Variants in FRMD3 observed in about 807,000 individuals in gnomAD.
The protein encoded by FRMD3 is FERM domain-containing protein 3.
In FRMD3, 33 loss-of-function variants were observed where a neutral mutation model predicts 70.2. The ratio of observed to expected loss-of-function variants is 0.47; its 90% confidence interval spans 0.36 to 0.63. FRMD3 has a LOEUF of 0.63. Ranked by LOEUF, FRMD3 falls within the 20% of genes least tolerant of loss-of-function variation. The probability of loss-of-function intolerance (pLI) is 0.00; values close to 1 mark genes in which losing one functional copy is unlikely to be tolerated. For synonymous variants in FRMD3, 279 were observed against 255.9 expected (o/e 1.09, Z -0.86); for missense variants, 632 against 711.4 (o/e 0.89, Z 1.27).
chr9:83,571,957 G>A, the FRMD3 span, among the ~76,000 whole-genome samples: 3 of 152,128 alleles, frequency 2.0e-5, no homozygotes, highest in African/African-American at 7.2e-5. Context: ...CAGATTGCTG[G>A]GCCCACACCC....
the FRMD3 span, among the ~76,000 whole-genome samples, chr9:83,558,289 C>T: frequency 7.4e-4 from 113 of 152,016 alleles, no homozygotes; most frequent in Admixed American, 5.6e-3. Flanking sequence ...CGCGCGCGCA[C>T]GCACATGTGC....
chr9:83,406,483 G>T (rs1393083004), intron 1 of FRMD3, among the ~76,000 whole-genome samples: 1 of 152,156 alleles, frequency 6.6e-6, no homozygotes, highest in African/African-American at 2.4e-5. Context: ...TTCCAGCTAG[G>T]GCTCTTAGGA....
chr9:83,333,117 GT>G (rs1413318585), intron 6 of FRMD3, among the ~76,000 whole-genome samples: 1 of 152,170 alleles, frequency 6.6e-6, no homozygotes, highest in East Asian at 1.9e-4. Flanking sequence ...TGCTCTTCTT[GT>G]CTTACCCTCC....
At chr9:83,561,819 T>A in the FRMD3 span, among the ~76,000 whole-genome samples, 1 of 151,730 alleles carries the variant, frequency 6.6e-6, no homozygotes, top group Non-Finnish European at 1.5e-5. Context: ...AAGAACAGAG[T>A]CTGCCACAAG....
At chr9:83,573,738 T>TTCTCTCTCTCTCTCTC in the FRMD3 span, among the ~76,000 whole-genome samples, 2 of 146,158 alleles carry the variant, frequency 1.4e-5, no homozygotes, top group African/African-American at 5.1e-5. Context: ...AAAAGAACGA[T>TTCTCTCTCTCTCTCTC]TCTCTCTCTC....
chr9:83,493,403 T>C (rs1293473840), intron 1 of FRMD3, among the ~76,000 whole-genome samples: 2 of 152,144 alleles, frequency 1.3e-5, no homozygotes, highest in African/African-American at 4.8e-5. Flanking sequence ...TACAGAGAAA[T>C]AGGTGATCTG....
At chr9:83,481,287 G>A (rs1208050562) in intron 1 of FRMD3, among the ~76,000 whole-genome samples, 10 of 152,220 alleles carry the variant, frequency 6.6e-5, no homozygotes, top group Admixed American at 6.5e-4. Flanking sequence ...ATGCAAGTGT[G>A]TCGTGAACTA....
At chr9:83,498,010 T>C (rs922753185) in intron 1 of FRMD3, among the ~76,000 whole-genome samples, 1 of 151,984 alleles carries the variant, frequency 6.6e-6, no homozygotes, top group African/African-American at 2.4e-5. Context: ...TAGCCAGGCA[T>C]GGTGGTGGGC....
At chr9:83,328,985 C>A (rs1286311742) in intron 6 of FRMD3, among the ~76,000 whole-genome samples, 1 of 151,916 alleles carries the variant, frequency 6.6e-6, no homozygotes, top group Non-Finnish European at 1.5e-5. Flanking sequence ...AATAATATAA[C>A]CCTCTCTCCT....
chr9:83,364,286 C>T (rs574905099), intron 3 of FRMD3, among the ~76,000 whole-genome samples: 5 of 152,202 alleles, frequency 3.3e-5, no homozygotes, highest in African/African-American at 4.8e-5. Flanking sequence ...TGGCTGGGCA[C>T]GGTGGCTCAC....
At position 83,298,711 on chromosome 9, in the gene FRMD3, T is replaced by C. The variant is rs369387550; in HGVS notation, c.1070+37A>G. On this transcript the variant is annotated intron_variant, in intron 12 of 13. Transcript: ENST00000304195. ...TAGGGGATTTGGAAAAGCCAGCTTT[T>C]AAAGCCACCTGGAACCCACAGTGAT... The C allele has an allele frequency of 2.4e-5, 38 of 1,579,716 alleles. No individual in the cohort carries two copies. In the African/African-American group the frequency reaches 4.9e-4, roughly 20 times the overall value.
intron 3 of FRMD3, among the ~76,000 whole-genome samples, chr9:83,367,254 G>T (rs561030065): frequency 1.5e-4 from 23 of 152,258 alleles, no homozygotes; most frequent in African/African-American, 5.3e-4. Context: ...AATGGCATAG[G>T]GAAATGAGAA....
intron 2 of FRMD3, among the ~76,000 whole-genome samples, chr9:83,381,043 C>G (rs1825336606): frequency 6.6e-6 from 1 of 152,136 alleles, no homozygotes; most frequent in Non-Finnish European, 1.5e-5. Context: ...CCTAGCCCCT[C>G]TGGCCTCTTC....
intron 1 of FRMD3, among the ~76,000 whole-genome samples, chr9:83,472,135 A>G (rs779508222): frequency 1.3e-5 from 2 of 152,110 alleles, no homozygotes; most frequent in Non-Finnish European, 2.9e-5. Context: ...CCCAGAACTC[A>G]CCGCTCAGAT....
At chr9:83,305,126 T>G (rs1279890726) in intron 10 of FRMD3, among the ~76,000 whole-genome samples, 3 of 152,252 alleles carry the variant, frequency 2.0e-5, no homozygotes, top group Admixed American at 2.0e-4. Flanking sequence ...GGCCTTGCTC[T>G]GCCAGCTGAA....
chr9:83,460,292 C>T (rs1384979427), intron 1 of FRMD3, among the ~76,000 whole-genome samples: 1 of 152,190 alleles, frequency 6.6e-6, no homozygotes, highest in Non-Finnish European at 1.5e-5. Flanking sequence ...CATCTCCTGA[C>T]ATGGTACTCT....
At chr9:83,296,820 G>C (rs577503549) in intron 12 of FRMD3, among the ~76,000 whole-genome samples, 1 of 152,262 alleles carries the variant, frequency 6.6e-6, no homozygotes, top group East Asian at 1.9e-4. Flanking sequence ...CAGCAAGCCT[G>C]CTCCCTTCAC....
At chr9:83,323,769 A>G (rs1835903508) in intron 6 of FRMD3, among the ~76,000 whole-genome samples, 1 of 152,256 alleles carries the variant, frequency 6.6e-6, no homozygotes, top group Non-Finnish European at 1.5e-5. Context: ...ACACTGTATG[A>G]TTCTATTTCT....
intron 1 of FRMD3, among the ~76,000 whole-genome samples, chr9:83,477,270 T>C (rs1828423248): frequency 6.6e-6 from 1 of 151,970 alleles, no homozygotes; most frequent in African/African-American, 2.4e-5. Flanking sequence ...CCTGAATGAG[T>C]GGAGAGAGAT....
Sources: gnomAD v4.1 joint callset for allele counts (sites outside exome capture counted in the v4.1 genomes callset) on GRCh38, gnomAD v4.1.1 for gene constraint, MANE v1.5 for transcripts, NCBI Gene and HGNC (gene_info 2026-07-23, HGNC 2026-07-21) for gene names.